SLC39A11: variants seen among roughly 807,000 people sequenced by gnomAD.
The protein encoded by SLC39A11 is zinc transporter ZIP11.
A neutral mutation model predicts 36.1 loss-of-function variants in SLC39A11; 33 were observed. That is an observed-to-expected ratio of 0.91 (90% confidence interval 0.69 to 1.22). The LOEUF (loss-of-function observed/expected upper bound fraction) is 1.22, where lower values mean the gene tolerates loss of function less well. SLC39A11 is among the 50% of genes most tolerant of loss of function. SLC39A11 has a pLI of 0.00. For synonymous variants in SLC39A11, 166 were observed against 170.3 expected (o/e 0.97, Z 0.20); for missense variants, 432 against 430.3 (o/e 1.00, Z -0.03).
intron 5 of SLC39A11, among the ~76,000 whole-genome samples, chr17:72,903,895 G>T (rs1244057394): frequency 6.6e-6 from 1 of 152,064 alleles, no homozygotes; most frequent in Admixed American, 6.6e-5. Context: ...CCTGCTATAT[G>T]CATAACAGGA....
rs571430243 is a variant in SLC39A11, at chr17:72,655,867, G to A, written c.672-6599C>T. On this transcript the variant is annotated intron_variant, in intron 7 of 9. Coordinates refer to ENST00000255559, the MANE Select transcript of SLC39A11 (RefSeq NM_139177.4). ...CTCTCAGTGGTAGGGGGTGAGCCGT[G>A]AGCTGACTTAGGAGCTGTGGGGCCT... 2.6e-5 allele frequency among the ~76,000 whole-genome samples: 4 copies of A among 152,286 alleles called. No individual in the cohort carries two copies. In the East Asian group the frequency reaches 7.7e-4, roughly 29 times the overall value.
chr17:72,891,522 C>A (rs1274046062), intron 5 of SLC39A11, among the ~76,000 whole-genome samples: 1 of 152,134 alleles, frequency 6.6e-6, no homozygotes, highest in Admixed American at 6.6e-5. Context: ...CTTGCTGCTC[C>A]CCAGTCTGGA....
At chr17:73,026,888 T>C (rs1167098735) in intron 4 of SLC39A11, among the ~76,000 whole-genome samples, 1 of 151,372 alleles carries the variant, frequency 6.6e-6, no homozygotes, top group Non-Finnish European at 1.5e-5. Context: ...GAGGCCAAAG[T>C]AGGAGGATTG....
rs76254397 is a variant in SLC39A11 at position 73,091,646 on chromosome 17, G to C, written c.-12+965C>G. Among the ~76,000 whole-genome samples, 1,217 of 152,154 alleles carry C rather than the reference G, an allele frequency of 8.0e-3. 29 individuals carry two copies. In the East Asian group the frequency reaches 0.088, roughly 11 times the overall value. On this transcript the variant is annotated intron_variant, in intron 1 of 9. Coordinates refer to ENST00000255559, the MANE Select transcript of SLC39A11 (RefSeq NM_139177.4). ...AGAGAACAAGAAGTTTTCTCTAACC[G>C]GCAGACCAGTAACAACTTTAGGACA...
At chr17:72,818,311 A>G (rs1006602395) in intron 6 of SLC39A11, among the ~76,000 whole-genome samples, 2 of 152,144 alleles carry the variant, frequency 1.3e-5, no homozygotes, top group African/African-American at 4.8e-5. Flanking sequence ...CTTGTCTGAA[A>G]GCCCCAGGCT....
chr17:72,727,651 CAAAAA>C (rs57874434), intron 7 of SLC39A11, among the ~76,000 whole-genome samples: 1 of 73,172 alleles, frequency 1.4e-5, no homozygotes, highest in Admixed American at 1.5e-4. Context: ...GACTCCGTCT[CAAAAA>C]AAAAAAAAAA....
intron 1 of SLC39A11, among the ~76,000 whole-genome samples, chr17:73,089,268 A>G (rs529857892): frequency 3.3e-5 from 5 of 152,160 alleles, no homozygotes; most frequent in Admixed American, 6.5e-5. Context: ...GCCCAGCCAA[A>G]GGGTAAACTC....
At chr17:72,842,667 G>C (rs868228910) in intron 6 of SLC39A11, among the ~76,000 whole-genome samples, 1 of 152,240 alleles carries the variant, frequency 6.6e-6, no homozygotes, top group Admixed American at 6.5e-5. Flanking sequence ...CTGCAGTCTC[G>C]GGTTGGTTTT....
chr17:72,841,890 T>C (rs1173484583), intron 6 of SLC39A11, among the ~76,000 whole-genome samples: 3 of 147,956 alleles, frequency 2.0e-5, no homozygotes, highest in Non-Finnish European at 4.4e-5. Flanking sequence ...GGCAAAACCC[T>C]GTCTCTACAA....
chr17:72,850,955 C>A (rs11653089), intron 5 of SLC39A11, among the ~76,000 whole-genome samples: 1 of 151,838 alleles, frequency 6.6e-6, no homozygotes, highest in Non-Finnish European at 1.5e-5. Context: ...GAGAATTGGC[C>A]ACTCCAACGT....
intron 6 of SLC39A11, among the ~76,000 whole-genome samples, chr17:72,814,809 C>T (rs1021542238): frequency 2.0e-5 from 3 of 152,234 alleles, no homozygotes; most frequent in African/African-American, 4.8e-5. Context: ...CATGAAGAGG[C>T]TCTGAAGAGC....
chr17:72,774,996 G>GA (rs112345853), intron 6 of SLC39A11, among the ~76,000 whole-genome samples: 5,131 of 135,930 alleles, frequency 0.038, 135 homozygotes, highest in African/African-American at 0.081. Flanking sequence ...TGGCTACAAA[G>GA]AAAAAAAAAA....
intron 7 of SLC39A11, among the ~76,000 whole-genome samples, chr17:72,731,394 A>ATGAG (rs2074208599): frequency 1.3e-5 from 2 of 151,920 alleles, no homozygotes; most frequent in African/African-American, 4.8e-5. Context: ...TGTAATCCCC[A>ATGAG]ATGTTGGGGG....
At chr17:73,022,924 A>G (rs2058401483) in intron 4 of SLC39A11, among the ~76,000 whole-genome samples, 1 of 152,194 alleles carries the variant, frequency 6.6e-6, no homozygotes, top group African/African-American at 2.4e-5. Flanking sequence ...TCACAAAGAA[A>G]AAAAAAAACT....
intron 7 of SLC39A11, among the ~76,000 whole-genome samples, chr17:72,700,656 T>C (rs1349782681): frequency 6.6e-6 from 1 of 152,170 alleles, no homozygotes; most frequent in African/African-American, 2.4e-5. Flanking sequence ...TTCACGCTGT[T>C]CATAAAGACA....
intron 6 of SLC39A11, among the ~76,000 whole-genome samples, chr17:72,782,415 A>C (rs145095448): frequency 1.5e-4 from 23 of 152,164 alleles, no homozygotes; most frequent in African/African-American, 5.3e-4. Context: ...ACTGTGTTAC[A>C]GGAGCTGCGG....
At chr17:73,043,154 G>A (rs1285089149) in intron 3 of SLC39A11, among the ~76,000 whole-genome samples, 1 of 152,232 alleles carries the variant, frequency 6.6e-6, no homozygotes, top group Middle Eastern at 3.2e-3. Flanking sequence ...CAAAGAACAG[G>A]GAGGGGCTCT....
chr17:72,803,461 G>A (rs567459827), intron 6 of SLC39A11, among the ~76,000 whole-genome samples: 41 of 152,372 alleles, frequency 2.7e-4, no homozygotes, highest in African/African-American at 9.6e-4. Context: ...GGACCTGCCT[G>A]AGGCCCAAAC....
intron 3 of SLC39A11, among the ~76,000 whole-genome samples, chr17:73,053,241 CT>C (rs111679659): frequency 0.027 from 1,021 of 38,000 alleles, 6 homozygotes; most frequent in Non-Finnish European, 0.047. Flanking sequence ...ATTTGATTTT[CT>C]TTTTTTTTTT....
Sources: gnomAD v4.1 joint callset for allele counts (sites outside exome capture counted in the v4.1 genomes callset) on GRCh38, gnomAD v4.1.1 for gene constraint, MANE v1.5 for transcripts, NCBI Gene and HGNC (gene_info 2026-07-23, HGNC 2026-07-21) for gene names.